Variants in KYAT3 observed in about 807,000 individuals in gnomAD.
KYAT3 encodes kynurenine--oxoglutarate transaminase 3.
In KYAT3, 50 loss-of-function variants were observed where a neutral mutation model predicts 59.0. The ratio of observed to expected loss-of-function variants is 0.85; its 90% confidence interval spans 0.68 to 1.07. The LOEUF is 1.07. Among genes scored for constraint, KYAT3 ranks in the 50% least tolerant of loss-of-function variants. The probability of loss-of-function intolerance (pLI) is 0.00; values close to 1 mark genes in which losing one functional copy is unlikely to be tolerated. For synonymous variants in KYAT3, 148 were observed against 177.0 expected, an observed-to-expected ratio of 0.84 and a Z score of 1.30; for missense variants, 497 against 533.3, an observed-to-expected ratio of 0.93 and a Z score of 0.67.
intron 2 of KYAT3, chr1:88,979,665 C>T (rs1676977347): frequency 6.6e-6 from 1 of 152,178 alleles, no homozygotes; most frequent in African/African-American, 2.4e-5. Flanking sequence ...AGATTCCCAT[C>T]AGAATGGCTG....
the KYAT3 span, among the ~76,000 whole-genome samples, chr1:88,925,719 GGA>G: frequency 6.6e-6 from 1 of 151,210 alleles, no homozygotes; most frequent in African/African-American, 2.4e-5. Flanking sequence ...GAGAGACAGA[GGA>G]GAGAGAGACA....
intron 11 of KYAT3, 93 bp from the exon 12 acceptor site, chr1:88,943,516 A>G (rs1675322853): frequency 6.9e-6 from 5 of 725,202 alleles, no homozygotes; most frequent in Non-Finnish European, 1.2e-5. Context: ...ATTTTCTCCT[A>G]TTTAAATTAG....
chr1:88,971,357 C>T (rs6673979), intron 2 of KYAT3, among the ~76,000 whole-genome samples: 4,915 of 152,126 alleles, frequency 0.032, 237 homozygotes, highest in African/African-American at 0.11. Flanking sequence ...AATTCTATGC[C>T]ACACCCATTC....
At chr1:88,929,992 C>T in the KYAT3 span, among the ~76,000 whole-genome samples, 32 of 152,240 alleles carry the variant, frequency 2.1e-4, no homozygotes, top group African/African-American at 7.5e-4. Context: ...TAAAGAAGGC[C>T]CTAACCCAAG....
intron 13 of KYAT3, among the ~76,000 whole-genome samples, chr1:88,936,721 T>C (rs1383929098): frequency 6.6e-6 from 1 of 152,242 alleles, no homozygotes; most frequent in African/African-American, 2.4e-5. Context: ...GGTTTCATAG[T>C]TGTAATTATT....
At chr1:88,980,238 T>C (rs1366405118) in intron 2 of KYAT3, 1 of 152,564 alleles carries the variant, frequency 6.6e-6, no homozygotes, top group East Asian at 1.9e-4. Flanking sequence ...AGTGGCTTCA[T>C]GGCATATACA....
the KYAT3 span, among the ~76,000 whole-genome samples, chr1:88,925,201 C>T: frequency 1.5e-4 from 23 of 152,272 alleles, no homozygotes; most frequent in African/African-American, 5.1e-4. Context: ...AACCAAGGGC[C>T]GACTAGAGGC....
chr1:88,930,565 T>C, the KYAT3 span, among the ~76,000 whole-genome samples: 1 of 152,328 alleles, frequency 6.6e-6, no homozygotes, highest in East Asian at 1.9e-4. Flanking sequence ...CAGTGGTCAG[T>C]GGTAATGGAA....
At chr1:88,943,811 C>T (rs1011069484) in intron 11 of KYAT3, among the ~76,000 whole-genome samples, 1 of 152,174 alleles carries the variant, frequency 6.6e-6, no homozygotes, top group African/African-American at 2.4e-5. Context: ...GATTATATCT[C>T]CACATAGCCA....
At chr1:88,942,806 C>G in intron 13 of KYAT3, among the ~76,000 whole-genome samples, 199 bp downstream of exon 13, 1 of 152,068 alleles carries the variant, frequency 6.6e-6, no homozygotes, top group Non-Finnish European at 1.5e-5. Flanking sequence ...TCGTGATCAG[C>G]CCGCCTCGGC....
At chr1:88,958,461 T>C (rs1045201631) in intron 8 of KYAT3, among the ~76,000 whole-genome samples, 4 of 151,858 alleles carry the variant, frequency 2.6e-5, no homozygotes, top group Admixed American at 2.6e-4. Context: ...CCATTTCTCC[T>C]GTTTTGTTAC....
intron 2 of KYAT3, chr1:88,982,709 C>A (rs747616738): frequency 5.0e-6 from 8 of 1,613,910 alleles, no homozygotes; most frequent in South Asian, 2.2e-5. Context: ...AGGGCCAGCA[C>A]CTCTTGGTGC....
chr1:88,978,518 G>A (rs1676908427), intron 2 of KYAT3, among the ~76,000 whole-genome samples: 1 of 151,928 alleles, frequency 6.6e-6, no homozygotes, highest in Non-Finnish European at 1.5e-5. Flanking sequence ...ATTTTTTTGA[G>A]ACAGAGTCTT....
At chr1:88,948,108 A>T (rs141068827) in intron 11 of KYAT3, among the ~76,000 whole-genome samples, 3,474 of 151,596 alleles carry the variant, frequency 0.023, 121 homozygotes, top group African/African-American at 0.079. Flanking sequence ...AACAAAACAA[A>T]ACAAAACAAA....
chr1:88,922,221 C>T, the KYAT3 span, among the ~76,000 whole-genome samples: 1 of 152,036 alleles, frequency 6.6e-6, no homozygotes, highest in Non-Finnish European at 1.5e-5. Context: ...CCCCCTCTCT[C>T]TCTAAAAAAA....
intron 11 of KYAT3, among the ~76,000 whole-genome samples, chr1:88,948,602 G>GT (rs1357006406): frequency 1.3e-5 from 2 of 152,170 alleles, no homozygotes; most frequent in African/African-American, 4.8e-5. Context: ...TCAAAAGGGT[G>GT]TTTTGAGTAC....
chr1:88,969,435 C>T lies in KYAT3; in HGVS notation c.132G>A (p.Arg44=). 6.3e-7 allele frequency: 1 copy of T among 1,578,610 alleles called. No homozygotes were observed. Among genetic ancestry groups the T allele is most frequent in the Non-Finnish European group, 8.7e-7 (1 of 1,149,338 alleles). Residue 44 remains arginine, a synonymous_variant, in exon 3 of 14, where the codon CGG becomes CGA. Transcript: ENST00000260508. ...ACACATTACTATCAAGTCCTTCAAT[C>T]CGTTTTGCATTTGTGAATTTCAGTG... The part of the protein sequence containing the change: ...KMSLKFTNAK[R]IEGLDSNVWI...
chr1:88,942,233 G>C (rs1413640465), intron 13 of KYAT3, among the ~76,000 whole-genome samples: 1 of 150,258 alleles, frequency 6.7e-6, no homozygotes, highest in Non-Finnish European at 1.5e-5. Flanking sequence ...GCAGATATTA[G>C]ACTTTTAAGT....
intron 2 of KYAT3, among the ~76,000 whole-genome samples, chr1:88,975,671 CAG>C (rs1245248145): frequency 2.0e-5 from 3 of 152,316 alleles, no homozygotes; most frequent in East Asian, 1.9e-4. Flanking sequence ...ATATACAACA[CAG>C]AGTCATGTGC....
Sources: gnomAD v4.1 joint callset for allele counts (sites outside exome capture counted in the v4.1 genomes callset) on GRCh38, gnomAD v4.1.1 for gene constraint, MANE v1.5 for transcripts, NCBI Gene and HGNC (gene_info 2026-07-23, HGNC 2026-07-21) for gene names.